Variants in APOB observed in about 807,000 individuals in gnomAD.
APOB encodes the protein apolipoprotein B-100.
In APOB, 153 loss-of-function variants were observed where a neutral mutation model predicts 314.1. That is an observed-to-expected ratio of 0.49 (90% CI 0.43 to 0.56). APOB has a LOEUF of 0.56. Among genes scored for constraint, APOB ranks in the 20% least tolerant of loss-of-function variants. APOB has a pLI of 0.00. For missense variants in APOB, 5,430 were observed against 5,350.7 expected, an observed-to-expected ratio of 1.01 and a Z score of -0.46; for synonymous variants, 2,087 against 2,036.4, an observed-to-expected ratio of 1.02 and a Z score of -0.67.
Position 21,008,943 on chromosome 2 carries a change from G to A in APOB, c.7925C>T (p.Pro2642Leu), listed in dbSNP as rs1663227147. The change falls in exon 26 of 29, where the codon CCA (proline) becomes CTA (leucine). Residue 2642 changes from proline (P) to leucine (L), a missense_variant. Transcript: ENST00000233242. The part of the protein sequence containing the change: ...NFKDLKNIKI[P>L]SRFSTPEFTI... Reference sequence around the variant, plus strand: ...AAATTCTGGTGTGGAAAACCTGGATGGGATTTTTATATTTTTTAAGTCTTT... The same window carrying A: ...AAATTCTGGTGTGGAAAACCTGGATAGGATTTTTATATTTTTTAAGTCTTT... 3.7e-6 allele frequency: 6 copies of A among 1,613,982 alleles called. No individual in the cohort carries two copies. Among genetic ancestry groups the A allele is most frequent in the Admixed American group, 1.7e-5 (1 of 60,000 alleles).
At chr2:21,027,700 C>T (rs989104398) in intron 14 of APOB, 128 bp downstream of exon 14, 1 of 784,730 alleles carries the variant, frequency 1.3e-6, no homozygotes, top group Non-Finnish European at 2.3e-6. Context: ...AGAAGAAAGC[C>T]TCAGAATCAT....
rs1468059462 is a variant in APOB at position 21,042,378 on chromosome 2, T to C, written c.220A>G (p.Thr74Ala). 5.0e-6 allele frequency: 8 copies of C among 1,613,692 alleles called. No homozygotes were observed. The highest frequency in any genetic ancestry group is 6.8e-6 in the Non-Finnish European group (8 of 1,179,778). ...VPGTADSRSA[T>A]RINCKVELEV... is the part of the protein sequence containing the mutation. ...CTCCATACCTTGCAGTTGATCCTGG[T>C]GGCACTTCTTGAATCAGCAGTCCCA... The change falls in exon 3 of 29, where the codon ACC becomes GCC. Residue 74 changes from threonine (T) to alanine (A), a missense_variant. Thr to Ala is a moderately conservative substitution (Grantham distance 58). This residue lies in a region of APOB where 2,085 missense variants were observed against 2,079.7 expected (regional missense o/e 1.00). Transcript: ENST00000233242.
At chr2:21,004,898 T>C (rs187773246) in intron 26 of APOB, among the ~76,000 whole-genome samples, 182 bp downstream of exon 26, 14 of 152,378 alleles carry the variant, frequency 9.2e-5, no homozygotes, top group Admixed American at 9.1e-4. Flanking sequence ...TTGTCTTGAA[T>C]GACACTAGAT....
intron 28 of APOB, 56 bp downstream of exon 28, chr2:21,004,213 C>A (rs1483883077): frequency 6.3e-7 from 1 of 1,582,622 alleles, no homozygotes; most frequent in Non-Finnish European, 8.7e-7. Flanking sequence ...TTAAATGTAT[C>A]TGCCCCAATT....
In APOB at chr2:21,007,044, G is replaced by C; in HGVS notation, c.9824C>G (p.Pro3275Arg). The C allele has an allele frequency of 1.9e-6, 3 of 1,614,018 alleles. No individual in the cohort carries two copies. The highest frequency in any genetic ancestry group is 2.2e-5 in the South Asian group (2 of 91,072). Residue 3275 changes from proline (P) to arginine (R), a missense_variant, in exon 26 of 29, where the codon CCA (proline) becomes CGA (arginine). Pro to Arg is a moderately radical substitution (Grantham distance 103). This residue lies in a region of APOB where 3,281 missense variants were observed against 3,171.0 expected (regional missense o/e 1.03). Transcript: ENST00000233242. ...IEMSAFGYVF[P>R]KAVSMPSFSI... is the part of the protein sequence containing the mutation. ...GAAACTAGGCATGCTGACTGCTTTT[G>C]GGAACACATAGCCGAATGCCGACAT... is the stretch of plus-strand genomic sequence containing the variant.
rs1664156580 is a variant in APOB at position 21,042,493 on chromosome 2, T to C, written c.122-17A>G. The C allele has an allele frequency of 1.3e-6, 2 of 1,598,566 alleles. No homozygotes were observed. Among genetic ancestry groups the C allele is most frequent in the Non-Finnish European group, 1.7e-6 (2 of 1,165,834 alleles). ...TCGCATCTTCTAACGTGGGGAGAAA[T>C]ACGTCAGCCACATAGCAGAAATAGC... On this transcript the variant is annotated splice_polypyrimidine_tract_variant and intron_variant, in intron 2 of 28. Coordinates refer to ENST00000233242, the MANE Select transcript of APOB (RefSeq NM_000384.3).
At chr2:21,003,829 G>A (rs1663060564) in intron 28 of APOB, among the ~76,000 whole-genome samples, 2 of 152,188 alleles carry the variant, frequency 1.3e-5, no homozygotes, top group African/African-American at 4.8e-5. Flanking sequence ...CTCTGGTAAT[G>A]TCACCCTTGA....
chr2:21,027,306 A>ATTT (rs71391771), intron 14 of APOB, among the ~76,000 whole-genome samples: 22,671 of 105,436 alleles, frequency 0.22, 2,465 homozygotes, highest in Non-Finnish European at 0.25. Flanking sequence ...TTGCATTTCA[A>ATTT]TTTTTTTTTT....
At chr2:21,029,511 G>T in intron 12 of APOB, 128 bp downstream of exon 12, 1 of 1,060,238 alleles carries the variant, frequency 9.4e-7, no homozygotes, top group Non-Finnish European at 1.4e-6. Flanking sequence ...AAGGAAGGAA[G>T]GAAGGAAGGA....
chr2:21,027,263 C>T (rs190621369), intron 14 of APOB, among the ~76,000 whole-genome samples: 2 of 150,992 alleles, frequency 1.3e-5, no homozygotes, highest in East Asian at 3.9e-4. Context: ...AGCACATATG[C>T]TTCCTTGGCT....
rs879048733 is a variant in APOB, at chr2:21,027,757, G to A, written c.2067+71C>T. 2.5e-6 allele frequency: 3 copies of A among 1,213,888 alleles called. No individual in the cohort carries two copies. The South Asian group carries it at 3.6e-5, about 15-fold the overall frequency. 75.2% of individuals were successfully genotyped at this position (1,213,888 alleles called of 1,614,324 possible). A position where few individuals can be genotyped will look rare whatever the true frequency, so the allele number is the denominator to read the frequency against. On this transcript the variant is annotated intron_variant, in intron 14 of 28. Coordinates refer to ENST00000233242, the MANE Select transcript of APOB (RefSeq NM_000384.3). ...CTTAGTTTTCCTCTGGGTAGCTCCT[G>A]GCTCCCAGGGACTCTCTGTTTATGA...
intron 1 of APOB, 69 bp from the exon 2 acceptor site, chr2:21,043,620 G>T (rs1209059551): frequency 6.4e-7 from 1 of 1,553,356 alleles, no homozygotes; most frequent in Non-Finnish European, 8.7e-7. Context: ...GCCCGACAGG[G>T]GGACCACCGG....
In APOB at chr2:21,015,531, TC is replaced by T; in HGVS notation, c.3346del (p.Glu1116LysfsTer69). On this transcript the variant is annotated frameshift_variant, in exon 22 of 29. Transcript: ENST00000233242. LOFTEE classifies it high-confidence loss of function. ...LMGHLSCDTK[E>X]ERKIKGVISI... ...AATAACACCCTTGATTTTTCTTTCT[TC>T]CTTTGTGTCACAACTATGGTAAAGA... The T allele has an allele frequency of 6.2e-7, 1 of 1,613,206 alleles. No homozygotes were observed. The highest frequency in any genetic ancestry group is 1.3e-5 in the African/African-American group (1 of 75,022).
In APOB at chr2:21,014,483, TGGCAATCCCATGTTCTGGA is replaced by T. The variant is rs768363406; in HGVS notation, c.3788_3806del (p.Leu1263GlnfsTer11). On this transcript the variant is annotated frameshift_variant, in exon 24 of 29. Coordinates refer to ENST00000233242, the MANE Select transcript of APOB (RefSeq NM_000384.3). LOFTEE classifies it high-confidence loss of function. ...AGAGGTTTTCTGGGATGTGGAAGTC[TGGCAATCCCATGTTCTGGA>T]GGTTGAACTCCTTCAGGCTATTGAG... 1 of 1,614,192 alleles carries T rather than the reference TGGCAATCCCATGTTCTGGA, an allele frequency of 6.2e-7. No homozygotes were observed. The highest frequency in any genetic ancestry group is 8.5e-7 in the Non-Finnish European group (1 of 1,180,020).
At chr2:21,031,004 G>A (rs1663864670) in intron 10 of APOB, among the ~76,000 whole-genome samples, 1 of 152,144 alleles carries the variant, frequency 6.6e-6, no homozygotes, top group South Asian at 2.1e-4. Flanking sequence ...ACTGTTGATG[G>A]GATTGTAAAT....
rs776502029 is a variant in APOB at position 21,008,513 on chromosome 2, G to A, written c.8355C>T (p.Asn2785=). The A allele has an allele frequency of 6.2e-6, 10 of 1,614,022 alleles. No individual in the cohort carries two copies. The highest frequency in any genetic ancestry group is 1.6e-4 in the Middle Eastern group (1 of 6,062). ...TGATGGAAGCTGCGATACCTGCTTCGTTTGCTGAGGTGGTTCCATTCCCTA... is the reference window on the plus strand; with the variant it reads ...TGATGGAAGCTGCGATACCTGCTTCATTTGCTGAGGTGGTTCCATTCCCTA... ...ADIGNGTTSA[N]EAGIAASITA... is the part of the protein sequence containing the mutation. Residue 2785 remains asparagine (N), a synonymous_variant, in exon 26 of 29, where the codon AAC becomes AAT. Coordinates refer to ENST00000233242, the MANE Select transcript of APOB (RefSeq NM_000384.3).
rs770858824 is a variant in APOB at position 21,008,763 on chromosome 2, G to A, written c.8105C>T (p.Pro2702Leu). ...YLRDLKVEDI[P>L]LARITLPDFR... is the part of the protein sequence containing the mutation. ...GTCTGGCAGGGTGATTCTCGCTAGAGGAATGTCCTCCACCTTCAGATCCCT... is the reference window on the plus strand; with the variant it reads ...GTCTGGCAGGGTGATTCTCGCTAGAAGAATGTCCTCCACCTTCAGATCCCT... Residue 2702 changes from proline (P) to leucine (L), a missense_variant, in exon 26 of 29, where the codon CCT (proline) becomes CTT (leucine). Physicochemically the swap from Pro to Leu is moderately conservative, Grantham distance 98. This residue lies in a region of APOB where 3,281 missense variants were observed against 3,171.0 expected (regional missense o/e 1.03). Coordinates refer to ENST00000233242, the MANE Select transcript of APOB (RefSeq NM_000384.3). 1.2e-6 allele frequency: 2 copies of A among 1,614,042 alleles called. No individual in the cohort carries two copies. Among genetic ancestry groups the A allele is most frequent in the East Asian group, 2.2e-5 (1 of 44,878 alleles).
chr2:21,038,402 C>T (rs147614933), intron 4 of APOB, among the ~76,000 whole-genome samples: 5 of 151,724 alleles, frequency 3.3e-5, no homozygotes, highest in African/African-American at 1.2e-4. Context: ...AATGGCGCAA[C>T]CTCAGCTCAC....
Position 21,010,902 on chromosome 2 carries a change from T to C in APOB, c.5966A>G (p.Asn1989Ser). The change falls in exon 26 of 29, where the codon AAC becomes AGC. Residue 1989 changes from asparagine to serine, a missense_variant. This residue lies in a region of APOB where 3,281 missense variants were observed against 3,171.0 expected (regional missense o/e 1.03). Coordinates refer to ENST00000233242, the MANE Select transcript of APOB (RefSeq NM_000384.3). Reference sequence around the variant, plus strand: ...ATCCAAGTCCTGGCTGTATTCATTGTTGTTAAATTGGGTCTTGAGTTTCCA... The same window carrying C: ...ATCCAAGTCCTGGCTGTATTCATTGCTGTTAAATTGGGTCTTGAGTTTCCA... ...GTWKLKTQFN[N>S]NEYSQDLDAY... The C allele has an allele frequency of 1.2e-6, 2 of 1,614,128 alleles. No individual in the cohort carries two copies. The highest frequency in any genetic ancestry group is 1.7e-4 in the Middle Eastern group (1 of 6,060).
Sources: allele counts gnomAD v4.1 joint callset (sites outside exome capture counted in the v4.1 genomes callset), GRCh38; gene constraint gnomAD v4.1.1; regional missense constraint gnomAD v4.1.1; transcripts MANE v1.5; gene names NCBI Gene and HGNC (gene_info 2026-07-23, HGNC 2026-07-21).